The following PTPRD variants were observed in gnomAD, a reference collection of about 807,000 sequenced individuals.
PTPRD encodes the protein receptor-type tyrosine-protein phosphatase delta.
In PTPRD, 34 loss-of-function variants were observed where a neutral mutation model predicts 214.5. The ratio of observed to expected loss-of-function variants is 0.16; its 90% CI spans 0.12 to 0.21. The LOEUF is 0.21. Among genes scored for constraint, PTPRD ranks in the 10% least tolerant of loss-of-function variants. The probability of loss-of-function intolerance (pLI) is 1.00; values close to 1 mark genes in which losing one functional copy is unlikely to be tolerated. For missense variants in PTPRD, 2,545 were observed against 2,398.7 expected, an observed-to-expected ratio of 1.06 and a Z score of -1.27; for synonymous variants, 1,128 against 845.7, an observed-to-expected ratio of 1.33 and a Z score of -5.79.
rs768209196 is a variant in PTPRD at position 8,331,741 on chromosome 9, A to AGAAGG, written c.5380-10_5380-6dup. The AGAAGG allele has an allele frequency of 1.3e-6, 2 of 1,583,168 alleles. No homozygotes were observed. The highest frequency in any genetic ancestry group is 3.7e-5 in the Admixed American group (2 of 54,772). ...TACTGTTCGGGACTGGCCGTCCTTT[A>AGAAGG]GAAGGAAAGCCACATACCCGGCCGC... On this transcript the variant is annotated splice_region_variant and splice_polypyrimidine_tract_variant and intron_variant, in intron 43 of 45. Coordinates refer to ENST00000381196, the MANE Select transcript of PTPRD (RefSeq NM_002839.4).
At chr9:10,511,931 CGTGTATATATATATACGTGT>C (rs2048239297) in intron 2 of PTPRD, among the ~76,000 whole-genome samples, 1 of 63,820 alleles carries the variant, frequency 1.6e-5, no homozygotes, top group South Asian at 6.4e-4. Flanking sequence ...TATATATATA[CGTGTATATATATATACGTGT>C]GTGTATATAT....
chr9:10,019,686 T>C (rs775044340), intron 4 of PTPRD, among the ~76,000 whole-genome samples: 63 of 147,354 alleles, frequency 4.3e-4, no homozygotes, highest in South Asian at 8.8e-4. Flanking sequence ...GACAAAAAAC[T>C]AAACACCGCA....
At chr9:9,667,322 A>G (rs529308778) in intron 7 of PTPRD, among the ~76,000 whole-genome samples, 2 of 151,946 alleles carry the variant, frequency 1.3e-5, no homozygotes, top group South Asian at 4.2e-4. Flanking sequence ...TTCATCATTT[A>G]CCCCTCTCAT....
chr9:8,838,986 A>C (rs964015933), intron 11 of PTPRD, among the ~76,000 whole-genome samples: 1 of 152,040 alleles, frequency 6.6e-6, no homozygotes, highest in Non-Finnish European at 1.5e-5. Flanking sequence ...AAATCATTAA[A>C]GTAAGACTCA....
intron 5 of PTPRD, among the ~76,000 whole-genome samples, chr9:9,854,708 A>T (rs778480833): frequency 2.0e-5 from 3 of 152,018 alleles, no homozygotes; most frequent in Non-Finnish European, 2.9e-5. Context: ...AGTTTTTTTT[A>T]AATCCCTTTC....
chr9:9,877,793 G>A (rs1466881538), intron 5 of PTPRD, among the ~76,000 whole-genome samples: 1 of 151,886 alleles, frequency 6.6e-6, no homozygotes, highest in East Asian at 1.9e-4. Context: ...TGACTAACGA[G>A]GAGAAACCTG....
intron 10 of PTPRD, among the ~76,000 whole-genome samples, chr9:9,042,033 G>A (rs992089281): frequency 9.2e-5 from 14 of 152,262 alleles, no homozygotes; most frequent in Middle Eastern, 3.4e-3. Flanking sequence ...ATGAAAAGGA[G>A]TTTATTGGTT....
At chr9:10,075,450 A>G (rs116541266) in intron 3 of PTPRD, among the ~76,000 whole-genome samples, 2,013 of 152,070 alleles carry the variant, frequency 0.013, 41 homozygotes, top group African/African-American at 0.044. Context: ...TGTTATTGAT[A>G]TAACTTTTTA....
chr9:9,203,393 G>C (rs373120798), intron 9 of PTPRD, among the ~76,000 whole-genome samples: 8 of 152,148 alleles, frequency 5.3e-5, no homozygotes, highest in African/African-American at 1.9e-4. Context: ...TGAATTGCAT[G>C]TTTTTGTTAT....
rs184896851 is a variant in PTPRD, at chr9:9,564,482, A to G, written c.-237+10250T>C. ...TTTCTGACTCCACATTAGATCAACT[A>G]AATTCGAATTTCTTAGGCTGAGGTT... On this transcript the variant is annotated intron_variant, in intron 8 of 45. Coordinates refer to ENST00000381196, the MANE Select transcript of PTPRD (RefSeq NM_002839.4). Among the ~76,000 whole-genome samples, 20 of 152,212 alleles carry G rather than the reference A, an allele frequency of 1.3e-4. No individual in the cohort carries two copies. The East Asian group carries it at 3.9e-3, about 29-fold the overall frequency.
chr9:8,834,636 G>C, intron 11 of PTPRD, among the ~76,000 whole-genome samples: 1 of 152,144 alleles, frequency 6.6e-6, no homozygotes, highest in East Asian at 1.9e-4. Flanking sequence ...CACAGCAATA[G>C]TATGAGGTAG....
chr9:9,869,424 C>T (rs1027986525), intron 5 of PTPRD, among the ~76,000 whole-genome samples: 3 of 151,998 alleles, frequency 2.0e-5, no homozygotes, highest in Admixed American at 2.0e-4. Flanking sequence ...TAGGTTGACA[C>T]CAGCTGAATT....
At chr9:9,406,655 G>C (rs566201456) in intron 8 of PTPRD, among the ~76,000 whole-genome samples, 1 of 151,888 alleles carries the variant, frequency 6.6e-6, no homozygotes, top group East Asian at 1.9e-4. Flanking sequence ...GAGGATTAAA[G>C]CAAGTTTTTG....
intron 3 of PTPRD, among the ~76,000 whole-genome samples, chr9:10,043,028 A>T (rs557604705): frequency 2.0e-5 from 3 of 152,090 alleles, no homozygotes; most frequent in Non-Finnish European, 4.4e-5. Flanking sequence ...ACACAAATCA[A>T]ATGTAGTCAT....
At chr9:9,464,237 C>T (rs2093936113) in intron 8 of PTPRD, among the ~76,000 whole-genome samples, 1 of 152,082 alleles carries the variant, frequency 6.6e-6, no homozygotes, top group Non-Finnish European at 1.5e-5. Flanking sequence ...TACCCATCAC[C>T]CAAATAGTGA....
chr9:8,577,952 C>A (rs556470823), intron 14 of PTPRD, among the ~76,000 whole-genome samples: 2 of 152,166 alleles, frequency 1.3e-5, no homozygotes, highest in Non-Finnish European at 2.9e-5. Context: ...AGTCTCTACA[C>A]ATAATTGAGA....
intron 4 of PTPRD, among the ~76,000 whole-genome samples, chr9:10,032,211 AAT>A (rs1216337141): frequency 1.3e-5 from 2 of 152,176 alleles, no homozygotes; most frequent in Non-Finnish European, 2.9e-5. Flanking sequence ...ACTTGGGTTA[AAT>A]GGTTTCTTAC....
chr9:8,335,906 G>C (rs1211124464), intron 43 of PTPRD, among the ~76,000 whole-genome samples: 2 of 151,824 alleles, frequency 1.3e-5, no homozygotes, highest in Non-Finnish European at 2.9e-5. Flanking sequence ...AAATACCTAG[G>C]CATGTGAAGG....
chr9:10,181,592 A>G (rs2099287833), intron 3 of PTPRD, among the ~76,000 whole-genome samples: 1 of 152,076 alleles, frequency 6.6e-6, no homozygotes, highest in Non-Finnish European at 1.5e-5. Flanking sequence ...TATAAGAGCA[A>G]AAATAGAGAA....
Sources: gnomAD v4.1 joint callset for allele counts (sites outside exome capture counted in the v4.1 genomes callset) on GRCh38, gnomAD v4.1.1 for gene constraint, MANE v1.5 for transcripts, NCBI Gene and HGNC (gene_info 2026-07-23, HGNC 2026-07-21) for gene names.